The following OTX2 variants were observed in gnomAD, a reference collection of about 807,000 sequenced individuals.
OTX2 encodes the protein orthodenticle homeobox 2, also known as homeobox protein OTX2.
A neutral mutation model predicts 29.0 loss-of-function variants in OTX2; 4 were observed. The observed-to-expected ratio is 0.14, with a 90% CI of 0.07 to 0.32. The LOEUF (loss-of-function observed/expected upper bound fraction) is 0.32. OTX2 is among the 10% of genes least tolerant of loss of function. OTX2 has a pLI of 1.00. For synonymous variants in OTX2, 134 were observed against 141.0 expected, an observed-to-expected ratio of 0.95 and a Z score of 0.35; for missense variants, 298 against 365.9, an observed-to-expected ratio of 0.81 and a Z score of 1.51.
Position 56,804,133 on chromosome 14 carries a change from T to C in OTX2, c.273+55A>G. On this transcript the variant is annotated intron_variant, in intron 4 of 4. Coordinates refer to ENST00000672264, the MANE Select transcript of OTX2 (RefSeq NM_021728.4). The surrounding 1 kb of genome is among the most constrained non-coding windows in gnomAD (Gnocchi z 4.1). ...AGACCTGGGGCTCTCCACAGTCCCATACTCGGGAAGGGTGGCATGATCAGG... is the reference window on the plus strand; with the variant it reads ...AGACCTGGGGCTCTCCACAGTCCCACACTCGGGAAGGGTGGCATGATCAGG... 1.9e-6 allele frequency: 3 copies of C among 1,597,032 alleles called. No individual in the cohort carries two copies. Among genetic ancestry groups the C allele is most frequent in the Non-Finnish European group, 2.6e-6 (3 of 1,164,528 alleles).
intron 2 of OTX2, among the ~76,000 whole-genome samples, chr14:56,807,085 C>T (rs1468446531): frequency 6.6e-6 from 1 of 152,168 alleles, no homozygotes; most frequent in East Asian, 1.9e-4. Context: ...ATTCAGAGCA[C>T]AAAAGTCATG....
At chr14:56,807,212 T>C (rs1215984749) in intron 2 of OTX2, among the ~76,000 whole-genome samples, 1 of 152,206 alleles carries the variant, frequency 6.6e-6, no homozygotes, top group East Asian at 1.9e-4. Context: ...TTTATGTTTT[T>C]GTATTGTCTT....
At position 56,801,450 on chromosome 14, in the gene OTX2, G is replaced by A. The variant is rs1891872163; in HGVS notation, c.*285C>T. On this transcript the variant is annotated 3_prime_UTR_variant, in exon 5 of 5. Transcript: ENST00000672264. This position sits in a 1 kb window ranked among gnomAD's most constrained non-coding sequence, Gnocchi z 4.2. ...TTTGTTTGATTTTATTTTTGGTGGT[G>A]TTTGGTTGCACATGGCTAGAATGCT... is the stretch of plus-strand genomic sequence containing the variant. 4.2e-6 allele frequency: 2 copies of A among 479,774 alleles called. No homozygotes were observed. The highest frequency in any genetic ancestry group is 3.8e-6 in the Non-Finnish European group (1 of 263,504). 29.7% of individuals were successfully genotyped at this position (479,774 alleles called of 1,614,324 possible). A position where few individuals can be genotyped will look rare whatever the true frequency, so the allele number is the denominator to read the frequency against.
At position 56,804,391 on chromosome 14, in the gene OTX2, T is replaced by C. The variant is rs1892004046; in HGVS notation, c.98-28A>G. On this transcript the variant is annotated intron_variant, in intron 3 of 4. Coordinates refer to ENST00000672264, the MANE Select transcript of OTX2 (RefSeq NM_021728.4). This position sits in a 1 kb window ranked among gnomAD's most constrained non-coding sequence, Gnocchi z 4.1. ...TTAGGGTGGGGGAGCAGTTTCTCAG[T>C]CATAGGCGTTTCCGCGGGTTCTCCG... is the stretch of plus-strand genomic sequence containing the variant. 6.3e-7 allele frequency: 1 copy of C among 1,598,838 alleles called. No individual in the cohort carries two copies.
At chr14:56,803,416 C>T (rs781292959) in intron 4 of OTX2, among the ~76,000 whole-genome samples, 4 of 152,224 alleles carry the variant, frequency 2.6e-5, no homozygotes, top group African/African-American at 4.8e-5. Flanking sequence ...TTTGAAAAAG[C>T]CCCTTTCCCA....
rs2139524263 is a variant in OTX2 at position 56,800,202 on chromosome 14, T to C, written c.*1533A>G. 6.6e-6 allele frequency: 1 copy of C among 152,168 alleles called. No homozygotes were observed. The highest frequency in any genetic ancestry group is 2.0e-4 in the East Asian group (1 of 5,082). 9.4% of individuals were successfully genotyped at this position (152,168 alleles called of 1,614,324 possible). On this transcript the variant is annotated 3_prime_UTR_variant, in exon 5 of 5. Transcript: ENST00000672264. ...GTTTTAAAACTTTTCTGAAACTCTTTTGTTCAGGAATCATTTCTGCCTGAA... is the reference window on the plus strand; with the variant it reads ...GTTTTAAAACTTTTCTGAAACTCTTCTGTTCAGGAATCATTTCTGCCTGAA...
Position 56,804,724 on chromosome 14 carries a change from T to C in OTX2, c.98-361A>G, listed in dbSNP as rs753671416. On this transcript the variant is annotated intron_variant, in intron 3 of 4. Coordinates refer to ENST00000672264, the MANE Select transcript of OTX2 (RefSeq NM_021728.4). The surrounding 1 kb of genome is among the most constrained non-coding windows in gnomAD (Gnocchi z 4.1). ...CCGAGGACAGACTGGCAGCTCGAAT[T>C]GATGGGGGAAATCTGGATCCTGTTC... 5.9e-5 allele frequency among the ~76,000 whole-genome samples: 9 copies of C among 152,188 alleles called. No homozygotes were observed. Among genetic ancestry groups the C allele is most frequent in the Non-Finnish European group, 1.2e-4 (8 of 68,036 alleles).
chr14:56,806,072 C>T (rs1301915963), intron 2 of OTX2, among the ~76,000 whole-genome samples: 1 of 152,142 alleles, frequency 6.6e-6, no homozygotes, highest in East Asian at 1.9e-4. Context: ...ATCTACCTCT[C>T]CCCAGACTGT....
Position 56,804,568 on chromosome 14 carries a change from A to T in OTX2, c.98-205T>A, listed in dbSNP as rs1190583616. 6.6e-6 allele frequency among the ~76,000 whole-genome samples: 1 copy of T among 152,106 alleles called. No homozygotes were observed. The highest frequency in any genetic ancestry group is 1.9e-4 in the East Asian group (1 of 5,180). ...TTTCCCTACTCTTCTTGGTGTTGAG[A>T]TTGCTCCAATCAGAGCATCACTTGG... On this transcript the variant is annotated intron_variant, in intron 3 of 4. Transcript: ENST00000672264. The surrounding 1 kb of genome is among the most constrained non-coding windows in gnomAD (Gnocchi z 4.1).
chr14:56,809,270 C>A (rs1892195144), intron 2 of OTX2, among the ~76,000 whole-genome samples: 1 of 152,186 alleles, frequency 6.6e-6, no homozygotes, highest in South Asian at 2.1e-4. Flanking sequence ...CTACGTGGGG[C>A]GGGCCGCGAC....
Position 56,802,752 on chromosome 14 carries a change from G to A in OTX2, c.274-397C>T, listed in dbSNP as rs1350909565. 6.6e-6 allele frequency among the ~76,000 whole-genome samples: 1 copy of A among 152,182 alleles called. No individual in the cohort carries two copies. Among genetic ancestry groups the A allele is most frequent in the Non-Finnish European group, 1.5e-5 (1 of 68,034 alleles). ...TCTTTTGGAGGGAAATACATGAGAA[G>A]TGAGAGAAAGCAATTCTGTTGTTAC... On this transcript the variant is annotated intron_variant, in intron 4 of 4. Transcript: ENST00000672264. This position sits in a 1 kb window ranked among gnomAD's most constrained non-coding sequence, Gnocchi z 4.4.
intron 2 of OTX2, among the ~76,000 whole-genome samples, chr14:56,807,377 G>C (rs1307675380): frequency 1.3e-5 from 2 of 151,968 alleles, no homozygotes; most frequent in African/African-American, 4.8e-5. Context: ...TTGTTTAATC[G>C]TACTACCTTG....
intron 2 of OTX2, 36 bp from the exon 3 acceptor site, chr14:56,805,611 G>A (rs1266672856): frequency 1.1e-5 from 7 of 666,606 alleles, no homozygotes; most frequent in Non-Finnish European, 1.9e-5. Flanking sequence ...AGAGGGGCTG[G>A]TTTACTGCTT....
In OTX2 at chr14:56,801,724, T is replaced by C. The variant is rs1340168757; in HGVS notation, c.*11A>G. Reference sequence around the variant, plus strand: ...TTAAAAATCACCCACAAAAAGAGGTTCTACAGGTCTTCACAAAACCTGGAA... The same window carrying C: ...TTAAAAATCACCCACAAAAAGAGGTCCTACAGGTCTTCACAAAACCTGGAA... On this transcript the variant is annotated 3_prime_UTR_variant, in exon 5 of 5. Transcript: ENST00000672264. This position sits in a 1 kb window ranked among gnomAD's most constrained non-coding sequence, Gnocchi z 4.2. The C allele has an allele frequency of 6.2e-7, 1 of 1,613,252 alleles. No homozygotes were observed. The highest frequency in any genetic ancestry group is 8.5e-7 in the Non-Finnish European group (1 of 1,179,884).
At chr14:56,809,808 T>C (rs1471398044) in intron 2 of OTX2, among the ~76,000 whole-genome samples, 1 of 152,150 alleles carries the variant, frequency 6.6e-6, no homozygotes. Context: ...AACGCAAAGA[T>C]CGCGGGAGAA....
intron 2 of OTX2, among the ~76,000 whole-genome samples, chr14:56,807,360 A>G (rs1249049027): frequency 1.3e-5 from 2 of 152,088 alleles, no homozygotes; most frequent in Non-Finnish European, 2.9e-5. Flanking sequence ...TGGAGATTGG[A>G]GATTTTTTGT....
rs1891912527 is a variant in OTX2, at chr14:56,802,195, G to T, written c.434C>A (p.Thr145Asn). The part of the protein sequence containing the change: ...TSGQFTPPSS[T>N]SVPTIASSSA... ...GCTGCTGGCAATGGTCGGGACTGAGGTGCTAGAGGGGGGAGTGAATTGGCC... is the reference window on the plus strand; with the variant it reads ...GCTGCTGGCAATGGTCGGGACTGAGTTGCTAGAGGGGGGAGTGAATTGGCC... Residue 145 changes from threonine (T) to asparagine (N), a missense_variant, in exon 5 of 5, where the codon ACC becomes AAC. By Grantham distance (65) the Thr-to-Asn change is moderately conservative. This residue lies in a region of OTX2 where 219 missense variants were observed against 223.5 expected (regional missense o/e 0.98). Transcript: ENST00000672264. The surrounding 1 kb of genome is among the most constrained non-coding windows in gnomAD (Gnocchi z 4.4). 11 of 1,614,164 alleles carry T rather than the reference G, an allele frequency of 6.8e-6. No individual in the cohort carries two copies. The highest frequency in any genetic ancestry group is 8.5e-6 in the Non-Finnish European group (10 of 1,180,018).
intron 2 of OTX2, among the ~76,000 whole-genome samples, chr14:56,806,429 T>C (rs187885199): frequency 1.2e-4 from 18 of 152,348 alleles, no homozygotes; most frequent in Admixed American, 5.2e-4. Flanking sequence ...GTCTTCAAGA[T>C]TGGCACAGGG....
At chr14:56,805,924 G>C (rs1892077700) in intron 2 of OTX2, among the ~76,000 whole-genome samples, 1 of 151,808 alleles carries the variant, frequency 6.6e-6, no homozygotes, top group African/African-American at 2.4e-5. Flanking sequence ...ATTTGCATAG[G>C]ACTCATTGGC....
Sources: gnomAD v4.1 joint callset for allele counts (sites outside exome capture counted in the v4.1 genomes callset) on GRCh38, gnomAD v4.1.1 for gene constraint, gnomAD v4.1.1 regional missense constraint, Gnocchi (gnomAD v3.1) non-coding constraint, MANE v1.5 for transcripts, NCBI Gene and HGNC (gene_info 2026-07-23, HGNC 2026-07-21) for gene names.